NFAT5: variants seen among roughly 807,000 people sequenced by gnomAD.
NFAT5 encodes nuclear factor of activated T-cells 5.
Under a neutral mutation model 166.5 loss-of-function variants are expected in NFAT5, and 31 were observed. That is an observed-to-expected ratio of 0.19 (90% CI 0.14 to 0.25). The LOEUF is 0.25. Ranked by LOEUF, NFAT5 falls within the 10% of genes least tolerant of loss-of-function variation. The pLI, the probability that NFAT5 is intolerant of heterozygous loss-of-function variation, is 1.00. For missense variants in NFAT5, 1,449 were observed against 1,821.8 expected (o/e 0.80, Z 3.72); for synonymous variants, 612 against 639.7 (o/e 0.96, Z 0.65).
chr16:69,689,211 A>G (rs552059587), intron 11 of NFAT5, among the ~76,000 whole-genome samples: 8 of 152,274 alleles, frequency 5.3e-5, no homozygotes, highest in African/African-American at 1.9e-4. Context: ...CAGGAGGTGG[A>G]GGTTGCAGTG....
At chr16:69,578,090 C>A (rs2031416181) in intron 2 of NFAT5, among the ~76,000 whole-genome samples, 1 of 152,044 alleles carries the variant, frequency 6.6e-6, no homozygotes, top group Non-Finnish European at 1.5e-5. Flanking sequence ...ATTTATGTAG[C>A]ACTTACATTG....
chr16:69,632,947 T>A (rs2034783842), intron 3 of NFAT5, among the ~76,000 whole-genome samples: 2 of 152,178 alleles, frequency 1.3e-5, no homozygotes, highest in African/African-American at 4.8e-5. Flanking sequence ...CCTCCTTCTA[T>A]CTTATTATAC....
At position 69,695,136 on chromosome 16, in the gene NFAT5, A is replaced by C. The variant is rs1350513944; in HGVS notation, c.4415A>C (p.Asn1472Thr). The C allele has an allele frequency of 2.0e-5, 32 of 1,612,184 alleles. No individual in the cohort carries two copies. The highest frequency in any genetic ancestry group is 2.5e-5 in the Non-Finnish European group (30 of 1,178,332). ...SGMFLFGIQN[N>T]CSQLLTSGPA... Reference sequence around the variant, plus strand: ...GCTTCTGTTTTCAATGTCTCTGCAGACTGTAGTCAGCTTTTAACCTCTGGA... The same window carrying C: ...GCTTCTGTTTTCAATGTCTCTGCAGCCTGTAGTCAGCTTTTAACCTCTGGA... Residue 1472 changes from asparagine (N) to threonine (T), a missense_variant and splice_region_variant, in exon 14 of 15, where the codon AAC becomes ACC. This residue lies in a region of NFAT5 where 891 missense variants were observed against 993.0 expected (regional missense o/e 0.90). Coordinates refer to ENST00000349945, the MANE Select transcript of NFAT5 (RefSeq NM_138713.4).
chr16:69,696,214 T>G lies in NFAT5; in HGVS notation c.*9-146T>G, dbSNP rs550720993. ...TTATCCCTTCCTCCAGAAATAAATATTGAGTCAGAAAAGTCTGTGGAAGAT... is the reference window on the plus strand; with the variant it reads ...TTATCCCTTCCTCCAGAAATAAATAGTGAGTCAGAAAAGTCTGTGGAAGAT... On this transcript the variant is annotated intron_variant, in intron 14 of 14. Transcript: ENST00000349945. 4 of 152,336 alleles carry G rather than the reference T, an allele frequency of 2.6e-5. No homozygotes were observed. In the South Asian group the frequency reaches 8.3e-4, roughly 32 times the overall value. 9.4% of individuals were successfully genotyped at this position (152,336 alleles called of 1,614,324 possible).
intron 3 of NFAT5, among the ~76,000 whole-genome samples, chr16:69,645,137 A>G (rs572847850): frequency 6.6e-6 from 1 of 152,360 alleles, no homozygotes; most frequent in Non-Finnish European, 1.5e-5. Flanking sequence ...TTTAAACTCA[A>G]AGTGGCTACA....
At chr16:69,615,679 TTCTC>T (rs971173507) in intron 2 of NFAT5, among the ~76,000 whole-genome samples, 1 of 152,350 alleles carries the variant, frequency 6.6e-6, no homozygotes, top group South Asian at 2.1e-4. Flanking sequence ...CCTTCTTCTT[TTCTC>T]TCTCTGTTTG....
At chr16:69,688,202 CAAAAAAAAAAA>C (rs1188158260) in intron 11 of NFAT5, among the ~76,000 whole-genome samples, 1 of 49,526 alleles carries the variant, frequency 2.0e-5, no homozygotes, top group Middle Eastern at 0.011. Flanking sequence ...GACTCCGTCT[CAAAAAAAAAAA>C]AAAAAAAAAA....
chr16:69,653,902 G>A (rs1347238302), intron 5 of NFAT5, among the ~76,000 whole-genome samples: 1 of 151,966 alleles, frequency 6.6e-6, no homozygotes, highest in Non-Finnish European at 1.5e-5. Flanking sequence ...TTTTTGAGAT[G>A]GTTATAGTAA....
intron 11 of NFAT5, among the ~76,000 whole-genome samples, chr16:69,690,066 G>T (rs920700378): frequency 2.6e-5 from 4 of 152,194 alleles, no homozygotes; most frequent in Admixed American, 2.6e-4. Flanking sequence ...CAACTCAGAA[G>T]ACTGTCATTA....
At chr16:69,648,275 C>G in intron 4 of NFAT5, 3 of 984,074 alleles carry the variant, frequency 3.0e-6, no homozygotes, top group Non-Finnish European at 3.6e-6. Context: ...TGTTCTCTTT[C>G]CAATTGTGTC....
chr16:69,616,853 T>C (rs1229698111), intron 2 of NFAT5, among the ~76,000 whole-genome samples: 1 of 151,876 alleles, frequency 6.6e-6, no homozygotes, highest in Non-Finnish European at 1.5e-5. Context: ...CTATTCTCTA[T>C]AGGTATCCTT....
intron 2 of NFAT5, among the ~76,000 whole-genome samples, chr16:69,569,668 C>G (rs113151958): frequency 1.3e-5 from 2 of 152,130 alleles, no homozygotes; most frequent in Non-Finnish European, 2.9e-5. Flanking sequence ...ATTTAGTGAG[C>G]TAATGTGTAT....
chr16:69,684,776 A>T, intron 10 of NFAT5, 111 bp from the exon 11 acceptor site: 1 of 704,000 alleles, frequency 1.4e-6, no homozygotes. Flanking sequence ...TTTCTGCTAA[A>T]TAAATAATTA....
chr16:69,566,144 C>T lies in NFAT5; in HGVS notation c.-158C>T, dbSNP rs1316912090. ...ACCTCGCCATCGTTTCCTCGGTCCT[C>T]GGCCCAGTGGAAGTCACTACCCTCG... On this transcript the variant is annotated 5_prime_UTR_variant, in exon 1 of 15. Coordinates refer to ENST00000349945, the MANE Select transcript of NFAT5 (RefSeq NM_138713.4). This position sits in a 1 kb window ranked among gnomAD's most constrained non-coding sequence, Gnocchi z 5.7. 1.6e-6 allele frequency: 1 copy of T among 607,370 alleles called. No homozygotes were observed. The highest frequency in any genetic ancestry group is 2.0e-5 in the African/African-American group (1 of 50,882). The allele number at this position is 607,370 out of a possible 1,614,324, so 37.6% of individuals were successfully genotyped here. A position where few individuals can be genotyped will look rare whatever the true frequency, so the allele number is the denominator to read the frequency against.
At chr16:69,670,198 G>C (rs759020920) in intron 8 of NFAT5, 38 bp from the exon 9 acceptor site, 2 of 1,556,118 alleles carry the variant, frequency 1.3e-6, no homozygotes, top group Non-Finnish European at 1.7e-6. Context: ...AAAAAAAATA[G>C]TTCAAAAATT....
intron 2 of NFAT5, among the ~76,000 whole-genome samples, chr16:69,588,597 ACTT>A (rs1440902069): frequency 3.3e-5 from 5 of 152,234 alleles, no homozygotes; most frequent in Admixed American, 2.0e-4. Context: ...ACTAGAAAGT[ACTT>A]CTTCAGATTG....
intron 2 of NFAT5, among the ~76,000 whole-genome samples, chr16:69,579,948 T>A (rs577645332): frequency 6.6e-6 from 1 of 152,304 alleles, no homozygotes; most frequent in Non-Finnish European, 1.5e-5. Flanking sequence ...TTTGGAATAG[T>A]GCTTGACACA....
intron 2 of NFAT5, among the ~76,000 whole-genome samples, chr16:69,574,462 G>A (rs2016624284): frequency 6.6e-6 from 1 of 152,064 alleles, no homozygotes; most frequent in Admixed American, 6.5e-5. Context: ...CAGAGTATAA[G>A]ACCAATGATA....
At chr16:69,621,507 AT>A (rs1195484608) in intron 2 of NFAT5, among the ~76,000 whole-genome samples, 5 of 151,950 alleles carry the variant, frequency 3.3e-5, no homozygotes, top group African/African-American at 9.7e-5. Context: ...CTGCCTTTCC[AT>A]TAGGGATTTC....
Sources: allele counts gnomAD v4.1 joint callset (sites outside exome capture counted in the v4.1 genomes callset), GRCh38; gene constraint gnomAD v4.1.1; regional missense constraint gnomAD v4.1.1; non-coding constraint Gnocchi (gnomAD v3.1); transcripts MANE v1.5; gene names NCBI Gene and HGNC (gene_info 2026-07-23, HGNC 2026-07-21).